Variants in CTSB observed in about 807,000 individuals in gnomAD.
CTSB encodes cathepsin B.
In CTSB, 57 loss-of-function variants were observed where a neutral mutation model predicts 44.3. The observed-to-expected ratio is 1.29, with a 90% CI of 1.04 to 1.60. The LOEUF (loss-of-function observed/expected upper bound fraction) is 1.60. Ranked by LOEUF, CTSB falls within the 40% of genes most tolerant of loss-of-function variation. CTSB has a pLI of 0.00. For synonymous variants in CTSB, 320 were observed against 168.0 expected (o/e 1.91, Z -7.00); for missense variants, 768 against 443.0 (o/e 1.73, Z -6.59).
At chr8:11,852,310 G>C (rs1814738791) in intron 3 of CTSB, among the ~76,000 whole-genome samples, 1 of 152,166 alleles carries the variant, frequency 6.6e-6, no homozygotes, top group African/African-American at 2.4e-5. Context: ...GACAGAGTTT[G>C]CAGTGAGCCA....
At chr8:11,856,040 ATAAAG>A (rs1815445552) in intron 1 of CTSB, among the ~76,000 whole-genome samples, 1 of 152,142 alleles carries the variant, frequency 6.6e-6, no homozygotes, top group Admixed American at 6.6e-5. Context: ...ATAAAATAAA[ATAAAG>A]TAAAATAAGT....
At chr8:11,855,770 C>A (rs1030835851) in intron 1 of CTSB, among the ~76,000 whole-genome samples, 1 of 152,084 alleles carries the variant, frequency 6.6e-6, no homozygotes, top group African/African-American at 2.4e-5. Flanking sequence ...GTAATCTCAG[C>A]ACTTTGGGAG....
chr8:11,861,894 G>T (rs938089492), intron 1 of CTSB, among the ~76,000 whole-genome samples: 3 of 152,202 alleles, frequency 2.0e-5, no homozygotes, highest in African/African-American at 7.2e-5. Context: ...TGAGGCTGAC[G>T]CGAAGGCCAG....
intron 9 of CTSB, 126 bp downstream of exon 9, chr8:11,845,535 A>T: frequency 2.6e-6 from 3 of 1,173,630 alleles, no homozygotes; most frequent in Non-Finnish European, 3.6e-6. Flanking sequence ...ACTTAGGAGG[A>T]GCTCACAGCC....
intron 8 of CTSB, chr8:11,846,092 A>G (rs903374013): frequency 4.8e-6 from 1 of 209,418 alleles, no homozygotes; most frequent in African/African-American, 2.3e-5. Context: ...ATGCTAGATG[A>G]CTGATTCATC....
At chr8:11,866,846 C>A (rs1477889516) in intron 1 of CTSB, among the ~76,000 whole-genome samples, 3 of 152,186 alleles carry the variant, frequency 2.0e-5, no homozygotes, top group African/African-American at 7.2e-5. Flanking sequence ...AGAGACAGAG[C>A]CAGCCAACGC....
chr8:11,859,269 T>A (rs1586177288), intron 1 of CTSB, among the ~76,000 whole-genome samples: 1 of 152,076 alleles, frequency 6.6e-6, no homozygotes, highest in African/African-American at 2.4e-5. Context: ...GGCGACTCTA[T>A]CAACCAGAGC....
chr8:11,858,659 G>A (rs1200778717), intron 1 of CTSB, among the ~76,000 whole-genome samples: 1 of 152,146 alleles, frequency 6.6e-6, no homozygotes, highest in Non-Finnish European at 1.5e-5. Context: ...TGAGGGTCCC[G>A]AGACTGCTGA....
In CTSB at chr8:11,844,840, G is replaced by A. The variant is rs781286226; in HGVS notation, c.*285C>T. ...TGCTCCCTGGAGATGGATGGATCAC[G>A]GAGGGGGCCACAGTCAGCTGGGGCA... On this transcript the variant is annotated 3_prime_UTR_variant, in exon 10 of 10. Coordinates refer to ENST00000353047, the MANE Select transcript of CTSB (RefSeq NM_001908.5). 4.4e-5 allele frequency: 17 copies of A among 389,842 alleles called. No homozygotes were observed. Among genetic ancestry groups the A allele is most frequent in the South Asian group, 2.5e-4 (5 of 20,364 alleles). 24.1% of individuals were successfully genotyped at this position (389,842 alleles called of 1,614,324 possible). A position where few individuals can be genotyped will look rare whatever the true frequency, so the allele number is the denominator to read the frequency against.
chr8:11,865,921 A>T (rs1337140443), intron 1 of CTSB, among the ~76,000 whole-genome samples: 1 of 150,176 alleles, frequency 6.7e-6, no homozygotes, highest in Non-Finnish European at 1.5e-5. Flanking sequence ...AGGGAGGCTG[A>T]GACAGGAGAA....
rs529703103 is a variant in CTSB at position 11,855,510 on chromosome 8, T to A, written c.-25-2031A>T. Among the ~76,000 whole-genome samples the A allele has an allele frequency of 3.9e-4, 60 of 152,024 alleles. No individual in the cohort carries two copies. In the East Asian group the frequency reaches 9.2e-3, roughly 23 times the overall value. ...CATCAATATAGAAAATAAAGTTTTT[T>A]AAAAAGGTAATGCTGGAGGAAAGCT... On this transcript the variant is annotated intron_variant, in intron 1 of 9. Coordinates refer to ENST00000353047, the MANE Select transcript of CTSB (RefSeq NM_001908.5).
intron 9 of CTSB, 102 bp downstream of exon 9, chr8:11,845,559 A>G (rs1156910716): frequency 2.1e-6 from 3 of 1,412,810 alleles, no homozygotes; most frequent in Admixed American, 2.2e-5. Context: ...CCGTAGGTCC[A>G]GGGTTTAAGG....
At chr8:11,863,475 AC>A (rs200957641) in intron 1 of CTSB, among the ~76,000 whole-genome samples, 2 of 152,124 alleles carry the variant, frequency 1.3e-5, no homozygotes, top group South Asian at 2.1e-4. Flanking sequence ...AAACAAAAAA[AC>A]CCAGCAAATA....
chr8:11,853,189 A>T, intron 2 of CTSB, 140 bp downstream of exon 2: 1 of 1,161,590 alleles, frequency 8.6e-7, no homozygotes, highest in African/African-American at 1.5e-5. Context: ...AGCCGACATG[A>T]CTCAGGGTCA....
intron 7 of CTSB, 32 bp downstream of exon 7, chr8:11,847,647 C>A: frequency 6.6e-7 from 1 of 1,505,648 alleles, no homozygotes; most frequent in Non-Finnish European, 8.8e-7. Context: ...CCAGCCTCCA[C>A]GTGCGCCGTG....
chr8:11,864,435 G>A (rs990389436), intron 1 of CTSB: 19 of 151,790 alleles, frequency 1.3e-4, no homozygotes, highest in African/African-American at 4.1e-4. Flanking sequence ...AGGCTGCCGT[G>A]AGCCGTGGTC....
intron 3 of CTSB, among the ~76,000 whole-genome samples, chr8:11,851,434 C>T (rs773541314): frequency 2.3e-4 from 35 of 152,308 alleles, no homozygotes; most frequent in Middle Eastern, 3.4e-3. Context: ...AAATGATCTG[C>T]CTGCCTTGGC....
Position 11,845,767 on chromosome 8 carries a change from T to G in CTSB, c.816A>C (p.Gly272=). The change falls in exon 9 of 10, where the codon GGA becomes GGC. Residue 272 remains glycine, a synonymous_variant. Transcript: ENST00000353047. The stretch of plus-strand genomic sequence containing the variant: ...GGATGGCATGGCCACCCATCATCTC[T>G]CCGGTGACGTGTTGGTACACTCCTG... ...YKSGVYQHVT[G]EMMGGHAIRI... is the part of the protein sequence containing the mutation. 1 of 1,613,812 alleles carries G rather than the reference T, an allele frequency of 6.2e-7. No homozygotes were observed.
At chr8:11,856,411 A>C (rs943331441) in intron 1 of CTSB, among the ~76,000 whole-genome samples, 2 of 151,744 alleles carry the variant, frequency 1.3e-5, no homozygotes, top group African/African-American at 4.8e-5. Context: ...GTCAGGAGTT[A>C]GAGACCAGCC....
Sources: gnomAD v4.1 joint callset for allele counts (sites outside exome capture counted in the v4.1 genomes callset) on GRCh38, gnomAD v4.1.1 for gene constraint, MANE v1.5 for transcripts, NCBI Gene and HGNC (gene_info 2026-07-23, HGNC 2026-07-21) for gene names.